The following TYW1 variants were observed in gnomAD, a reference collection of about 807,000 sequenced individuals.
TYW1 encodes the protein S-adenosyl-L-methionine-dependent tRNA 4-demethylwyosine synthase TYW1.
TYW1 carries 46 observed loss-of-function variants against 96.2 expected under a neutral mutation model. The observed-to-expected ratio is 0.48, with a 90% CI of 0.38 to 0.61. The LOEUF is 0.61. TYW1 is among the 20% of genes least tolerant of loss of function. The probability of loss-of-function intolerance (pLI) is 0.00; values close to 1 mark genes in which losing one functional copy is unlikely to be tolerated. For missense variants in TYW1, 684 were observed against 909.6 expected (o/e 0.75, Z 3.19); for synonymous variants, 274 against 323.0 (o/e 0.85, Z 1.63).
intron 7 of TYW1, among the ~76,000 whole-genome samples, chr7:67,029,304 TTTAAAAAAATGATGTGGACTTAAG>T: frequency 1.3e-5 from 1 of 74,706 alleles, no homozygotes; most frequent in Non-Finnish European, 2.9e-5. Flanking sequence ...GGACTTAAGA[TTTAAAAAAATGATGTGGACTTAAG>T]ATTTAAAAAA....
Position 67,239,361 on chromosome 7 carries a change from G to C in TYW1, c.*832G>C. On this transcript the variant is annotated 3_prime_UTR_variant, in exon 16 of 16. Transcript: ENST00000359626. ...CGGGTCTCCATCTTCTTTCACTCCT[G>C]TGGCCCTGGCTGCTTTACACAATCT... 1.0e-6 allele frequency: 1 copy of C among 985,284 alleles called. No homozygotes were observed. Among genetic ancestry groups the C allele is most frequent in the Non-Finnish European group, 1.2e-6 (1 of 829,838 alleles). 61.0% of individuals were successfully genotyped at this position (985,284 alleles called of 1,614,324 possible).
intron 11 of TYW1, among the ~76,000 whole-genome samples, chr7:67,086,402 T>C (rs1323410215): frequency 1.3e-5 from 2 of 152,160 alleles, no homozygotes; most frequent in Non-Finnish European, 2.9e-5. Context: ...GTTAGGGTTC[T>C]CCAGAAAAAC....
intron 7 of TYW1, among the ~76,000 whole-genome samples, chr7:67,044,718 C>G (rs1446542602): frequency 6.6e-6 from 1 of 152,126 alleles, no homozygotes; most frequent in Non-Finnish European, 1.5e-5. Context: ...CTCCTGGGTT[C>G]AAGTGATTCT....
intron 15 of TYW1, among the ~76,000 whole-genome samples, chr7:67,206,101 A>AT (rs1800789602): frequency 2.0e-5 from 3 of 152,232 alleles, no homozygotes; most frequent in Non-Finnish European, 4.4e-5. Context: ...CTCCTAGTGA[A>AT]CAGTAATGCC....
At chr7:67,096,824 C>T (rs1796936039) in intron 11 of TYW1, among the ~76,000 whole-genome samples, 1 of 152,170 alleles carries the variant, frequency 6.6e-6, no homozygotes, top group Non-Finnish European at 1.5e-5. Context: ...TATTTACACT[C>T]TTTCCGAGTC....
intron 3 of TYW1, among the ~76,000 whole-genome samples, chr7:67,005,822 A>G (rs1278855378): frequency 6.6e-6 from 1 of 151,948 alleles, no homozygotes; most frequent in Non-Finnish European, 1.5e-5. Flanking sequence ...GAGTCCTCAC[A>G]GTGGCCCAGA....
chr7:67,153,877 A>T (rs1215004817), intron 13 of TYW1, among the ~76,000 whole-genome samples: 1 of 150,586 alleles, frequency 6.6e-6, no homozygotes, highest in Admixed American at 6.6e-5. Context: ...TCAGTGTTTA[A>T]TTAGTTGCAT....
At chr7:67,012,026 G>A (rs1261653749) in intron 4 of TYW1, among the ~76,000 whole-genome samples, 1 of 151,898 alleles carries the variant, frequency 6.6e-6, no homozygotes, top group African/African-American at 2.4e-5. Flanking sequence ...AAATGAATGA[G>A]TGTGGCTGTG....
chr7:67,155,473 A>G (rs28888421), intron 13 of TYW1, among the ~76,000 whole-genome samples: 3 of 151,878 alleles, frequency 2.0e-5, no homozygotes, highest in Non-Finnish European at 2.9e-5. Flanking sequence ...CAGAAGCAGG[A>G]CACAGCACCA....
intron 13 of TYW1, among the ~76,000 whole-genome samples, chr7:67,130,442 G>C (rs1405411448): frequency 1.3e-5 from 2 of 151,906 alleles, no homozygotes; most frequent in East Asian, 3.9e-4. Flanking sequence ...GGGAGACTGA[G>C]GTGGGTGGAT....
At chr7:67,110,284 C>T (rs1001153124) in intron 12 of TYW1, among the ~76,000 whole-genome samples, 4 of 152,288 alleles carry the variant, frequency 2.6e-5, no homozygotes, top group South Asian at 2.1e-4. Context: ...CCCACTCACA[C>T]GATCAGGGCT....
chr7:67,000,961 C>T (rs571562505), intron 3 of TYW1, among the ~76,000 whole-genome samples: 1 of 151,968 alleles, frequency 6.6e-6, no homozygotes, highest in Non-Finnish European at 1.5e-5. Flanking sequence ...TAAGTTAAAC[C>T]TTAAGCAGTG....
chr7:67,154,823 T>C (rs1304541520), intron 13 of TYW1, among the ~76,000 whole-genome samples: 14 of 152,150 alleles, frequency 9.2e-5, no homozygotes, highest in Admixed American at 6.5e-4. Flanking sequence ...AATTCAAATA[T>C]ATGTTTGCTT....
intron 12 of TYW1, among the ~76,000 whole-genome samples, chr7:67,101,692 T>A (rs1252628523): frequency 1.3e-5 from 2 of 152,042 alleles, no homozygotes; most frequent in African/African-American, 4.8e-5. Context: ...AAGATGGGGT[T>A]TCACCATGTT....
chr7:67,213,887 C>G (rs960682983), intron 15 of TYW1, among the ~76,000 whole-genome samples: 1 of 152,120 alleles, frequency 6.6e-6, no homozygotes, highest in African/African-American at 2.4e-5. Context: ...TCTGTTCTTT[C>G]CCCAATACCA....
At chr7:67,124,692 T>G (rs1026683800) in intron 13 of TYW1, among the ~76,000 whole-genome samples, 3 of 152,232 alleles carry the variant, frequency 2.0e-5, no homozygotes, top group African/African-American at 7.2e-5. Context: ...GTCTGATTTC[T>G]CAACATTATA....
intron 13 of TYW1, among the ~76,000 whole-genome samples, chr7:67,121,257 T>A (rs1797750502): frequency 6.6e-6 from 1 of 152,234 alleles, no homozygotes. Flanking sequence ...AAATGCTGGC[T>A]GGGCGCGGTG....
intron 7 of TYW1, among the ~76,000 whole-genome samples, chr7:67,047,124 T>G (rs1562983382): frequency 6.6e-6 from 1 of 152,190 alleles, no homozygotes; most frequent in Non-Finnish European, 1.5e-5. Flanking sequence ...GTCTTATCAA[T>G]TTTTTACATG....
At chr7:67,202,227 G>T (rs1229047348) in intron 15 of TYW1, among the ~76,000 whole-genome samples, 1 of 152,136 alleles carries the variant, frequency 6.6e-6, no homozygotes, top group Non-Finnish European at 1.5e-5. Flanking sequence ...TCTAGTGAAA[G>T]AAATGAAAAT....
Sources: gnomAD v4.1 joint callset for allele counts (sites outside exome capture counted in the v4.1 genomes callset) on GRCh38, gnomAD v4.1.1 for gene constraint, MANE v1.5 for transcripts, NCBI Gene and HGNC (gene_info 2026-07-23, HGNC 2026-07-21) for gene names.